CTNNA2: variants seen among roughly 807,000 people sequenced by gnomAD.
CTNNA2 encodes catenin alpha 2.
In CTNNA2, 42 loss-of-function variants were observed where a neutral mutation model predicts 101.0. The ratio of observed to expected loss-of-function variants is 0.42; its 90% CI spans 0.32 to 0.54. CTNNA2 has a LOEUF of 0.54. CTNNA2 is among the 20% of genes least tolerant of loss of function. The pLI is 0.14. For synonymous variants in CTNNA2, 450 were observed against 456.4 expected (o/e 0.99, Z 0.18); for missense variants, 871 against 1,223.1 (o/e 0.71, Z 4.29).
At chr2:80,440,611 C>T (rs536745341) in intron 9 of CTNNA2, among the ~76,000 whole-genome samples, 1 of 150,892 alleles carries the variant, frequency 6.6e-6, no homozygotes, top group South Asian at 2.1e-4. Context: ...GCAGATCCAG[C>T]TCCTTACTGG....
intron 12 of CTNNA2, among the ~76,000 whole-genome samples, chr2:80,565,008 C>T: frequency 6.6e-6 from 1 of 152,126 alleles, no homozygotes. Context: ...TTTGAAGACA[C>T]TTAAGATTTA....
chr2:80,265,858 T>G (rs1672965925), intron 7 of CTNNA2, among the ~76,000 whole-genome samples: 1 of 152,214 alleles, frequency 6.6e-6, no homozygotes, highest in Non-Finnish European at 1.5e-5. Context: ...CTTGGAAAAC[T>G]AAAGATTCTT....
At chr2:79,616,665 T>G (rs1382856778) in intron 1 of CTNNA2, among the ~76,000 whole-genome samples, 1 of 152,152 alleles carries the variant, frequency 6.6e-6, no homozygotes. Flanking sequence ...CATCTCAACC[T>G]TTCCTCTTGG....
intron 7 of CTNNA2, among the ~76,000 whole-genome samples, chr2:80,067,816 T>C (rs962809299): frequency 1.3e-5 from 2 of 152,150 alleles, no homozygotes; most frequent in South Asian, 4.1e-4. Context: ...CAGACTTCCA[T>C]GTGTCTAGAT....
At chr2:79,301,778 T>C (rs1383192074) in intron 2 of CTNNA2, among the ~76,000 whole-genome samples, 3 of 152,108 alleles carry the variant, frequency 2.0e-5, no homozygotes, top group African/African-American at 7.2e-5. Flanking sequence ...CTGTGAGATC[T>C]GGACTTTCTC....
At chr2:79,854,767 A>G (rs1236091735) in intron 3 of CTNNA2, among the ~76,000 whole-genome samples, 1 of 152,234 alleles carries the variant, frequency 6.6e-6, no homozygotes, top group Non-Finnish European at 1.5e-5. Context: ...AATCAAGTAC[A>G]TGAGATTGAA....
At chr2:80,644,662 A>G (rs529595439) in intron 18 of CTNNA2, among the ~76,000 whole-genome samples, 42 of 152,290 alleles carry the variant, frequency 2.8e-4, no homozygotes, top group Non-Finnish European at 4.9e-4. Flanking sequence ...TGGAAATTCA[A>G]CTTTTTTTAA....
At chr2:79,440,836 C>G (rs1396373553) in intron 4 of CTNNA2, among the ~76,000 whole-genome samples, 1 of 152,166 alleles carries the variant, frequency 6.6e-6, no homozygotes, top group East Asian at 1.9e-4. Flanking sequence ...GGTAGAACAC[C>G]ATAAAGCATA....
chr2:79,809,109 G>T lies in CTNNA2; in HGVS notation c.299-48904G>T, dbSNP rs1225176724. Among the ~76,000 whole-genome samples the T allele has an allele frequency of 4.6e-5, 7 of 152,290 alleles. 1 individual carries two copies. The Middle Eastern group carries it at 0.01, about 222-fold the overall frequency. On this transcript the variant is annotated intron_variant, in intron 3 of 18. Transcript: ENST00000402739. ...CCAGCTTCATCCATGTCCCTGCAAAGGACATGAACTCATCCTTTTATATGG... is the reference window on the plus strand; with the variant it reads ...CCAGCTTCATCCATGTCCCTGCAAATGACATGAACTCATCCTTTTATATGG...
intron 2 of CTNNA2, among the ~76,000 whole-genome samples, chr2:79,286,213 G>T (rs1255917938): frequency 8.6e-5 from 13 of 152,042 alleles, no homozygotes; most frequent in Non-Finnish European, 2.9e-5. Flanking sequence ...TATCCAATTT[G>T]CCAGTCTGTG....
chr2:80,420,532 A>G (rs1680435036), intron 9 of CTNNA2, among the ~76,000 whole-genome samples: 3 of 152,202 alleles, frequency 2.0e-5, no homozygotes, highest in African/African-American at 4.8e-5. Flanking sequence ...AAATGACAGA[A>G]AACTTAAATG....
chr2:79,636,226 C>T (rs1437669570), intron 1 of CTNNA2, among the ~76,000 whole-genome samples: 2 of 138,462 alleles, frequency 1.4e-5, no homozygotes, highest in East Asian at 2.2e-4. Flanking sequence ...GCCGAGATCG[C>T]GCCACTGCAC....
intron 9 of CTNNA2, among the ~76,000 whole-genome samples, chr2:80,492,681 A>G (rs925888045): frequency 2.6e-5 from 4 of 152,050 alleles, no homozygotes; most frequent in African/African-American, 9.7e-5. Context: ...AGATTCCTCT[A>G]ATATTCAGTG....
intron 2 of CTNNA2, among the ~76,000 whole-genome samples, chr2:79,235,115 A>G (rs1032212764): frequency 2.0e-5 from 3 of 152,180 alleles, no homozygotes; most frequent in African/African-American, 7.2e-5. Flanking sequence ...TGGAGTTTCC[A>G]GAATTCTTGC....
chr2:79,739,279 T>A (rs1030074222), intron 2 of CTNNA2, among the ~76,000 whole-genome samples: 1 of 152,174 alleles, frequency 6.6e-6, no homozygotes, highest in Admixed American at 6.5e-5. Flanking sequence ...GACAGAAACA[T>A]GTTTTAATAA....
At chr2:80,027,746 T>C (rs1695024859) in intron 7 of CTNNA2, among the ~76,000 whole-genome samples, 2 of 151,816 alleles carry the variant, frequency 1.3e-5, no homozygotes, top group African/African-American at 4.8e-5. Context: ...GTTGGGAGCA[T>C]TGCATGAGGC....
At chr2:79,417,394 G>T (rs1292513724) in intron 4 of CTNNA2, among the ~76,000 whole-genome samples, 1 of 152,096 alleles carries the variant, frequency 6.6e-6, no homozygotes, top group Non-Finnish European at 1.5e-5. Flanking sequence ...TTAAAGATTG[G>T]AGCTTTATAT....
chr2:79,919,629 C>T (rs1226646684), intron 7 of CTNNA2, among the ~76,000 whole-genome samples: 1 of 152,156 alleles, frequency 6.6e-6, no homozygotes, highest in African/African-American at 2.4e-5. Context: ...GAAGACCTCA[C>T]AAAATTGTCA....
intron 7 of CTNNA2, among the ~76,000 whole-genome samples, chr2:80,039,193 A>AAGGT (rs1695869939): frequency 6.6e-6 from 1 of 152,100 alleles, no homozygotes; most frequent in Non-Finnish European, 1.5e-5. Context: ...GGGAGGATGG[A>AAGGT]AGGTAATCCA....
Sources: gnomAD v4.1 joint callset for allele counts (sites outside exome capture counted in the v4.1 genomes callset) on GRCh38, gnomAD v4.1.1 for gene constraint, MANE v1.5 for transcripts, NCBI Gene and HGNC (gene_info 2026-07-23, HGNC 2026-07-21) for gene names.